Variants in LTB4R2 observed in about 807,000 individuals in gnomAD.
The protein encoded by LTB4R2 is LTB4 receptor JULF2.
Under a neutral mutation model 5.3 loss-of-function variants are expected in LTB4R2, and 6 were observed. The observed-to-expected ratio is 1.14, with a 90% CI of 0.62 to 2.24. The LOEUF is 2.24. Ranked by LOEUF, LTB4R2 falls within the 30% of genes most tolerant of loss-of-function variation. The probability of loss-of-function intolerance (pLI) is 0.00; values close to 1 mark genes in which losing one functional copy is unlikely to be tolerated. For synonymous variants in LTB4R2, 310 were observed against 264.2 expected (o/e 1.17, Z -1.68); for missense variants, 560 against 521.5 (o/e 1.07, Z -0.72).
chr14:24,310,631 G>A (rs2041661520), intron 1 of LTB4R2, 24 bp from the exon 2 acceptor site: 1 of 1,611,704 alleles, frequency 6.2e-7, no homozygotes, highest in Non-Finnish European at 8.5e-7. Context: ...AACGCCCTCT[G>A]TGGCGCCTTC....
rs769064307 is a variant in LTB4R2 at position 24,311,036 on chromosome 14, C to T, written c.372C>T (p.Thr124=). ...GCCTGCAGCGCTGCCTCGCAGTCAC[C>T]CGCCCCTTCCTGGCGCCTCGGCTGC... The part of the protein sequence containing the change: ...LLSLQRCLAV[T]RPFLAPRLRS... Residue 124 remains threonine (T), a synonymous_variant, in exon 2 of 2, where the codon ACC becomes ACT. Transcript: ENST00000533293. 3 of 1,580,106 alleles carry T rather than the reference C, an allele frequency of 1.9e-6. No individual in the cohort carries two copies. The highest frequency in any genetic ancestry group is 2.6e-6 in the Non-Finnish European group (3 of 1,172,478).
In LTB4R2 at chr14:24,311,469, G is replaced by A; in HGVS notation, c.805G>A (p.Ala269Thr). Residue 269 changes from alanine to threonine, a missense_variant, in exon 2 of 2, where the codon GCG becomes ACG. Coordinates refer to ENST00000533293, the MANE Select transcript of LTB4R2 (RefSeq NM_019839.5). The stretch of plus-strand genomic sequence containing the variant: ...GAAGCTGGGCGGAGCCGGCCAGGCG[G>A]CGCGAGCGGGAACTACGGCCTTGGC... ...LAKLGGAGQAARAGTTALAFF... is the reference protein window; with the variant it reads ...LAKLGGAGQATRAGTTALAFF... The A allele has an allele frequency of 6.2e-7, 1 of 1,601,266 alleles. No homozygotes were observed. The highest frequency in any genetic ancestry group is 8.5e-7 in the Non-Finnish European group (1 of 1,179,926).
rs767626246 is a variant in LTB4R2, at chr14:24,311,150, G to A, written c.486G>A (p.Leu162=). 1.2e-6 allele frequency: 2 copies of A among 1,601,392 alleles called. No individual in the cohort carries two copies. Among genetic ancestry groups the A allele is most frequent in the Non-Finnish European group, 1.7e-6 (2 of 1,176,238 alleles). Residue 162 remains leucine (L), a synonymous_variant, in exon 2 of 2, where the codon CTG becomes CTA. Transcript: ENST00000533293. ...TCCCGGCCGCCGTCTACCGCCACCT[G>A]TGGAGGGACCGCGTATGCCAGCTGT... is the stretch of plus-strand genomic sequence containing the variant. ...LAVPAAVYRH[L]WRDRVCQLCH...
At position 24,311,897 on chromosome 14, in the gene LTB4R2, C is replaced by T. The variant is rs756527599; in HGVS notation, c.*156C>T. 1.5e-6 allele frequency: 1 copy of T among 683,522 alleles called. No individual in the cohort carries two copies. Among genetic ancestry groups the T allele is most frequent in the Non-Finnish European group, 2.5e-6 (1 of 407,960 alleles). The allele number at this position is 683,522 out of a possible 1,614,324, so 42.3% of individuals were successfully genotyped here. On this transcript the variant is annotated 3_prime_UTR_variant, in exon 2 of 2. Transcript: ENST00000533293. ...TATACACTTGGGGCAGGCCCAGGCT[C>T]CTCCAAACTGAGGGATTATGAGGGT...
rs1366381638 is a variant in LTB4R2, at chr14:24,311,716, A to C, written c.1052A>C (p.Lys351Thr). The change falls in exon 2 of 2, where the codon AAG becomes ACG. Residue 351 changes from lysine to threonine, a missense_variant. Coordinates refer to ENST00000533293, the MANE Select transcript of LTB4R2 (RefSeq NM_019839.5). ...GNGDPGGGME[K>T]DGPEWDL ...GGAGACCCGGGGGGTGGGATGGAGA[A>C]GGACGGTCCGGAATGGGACCTTTGA... The C allele has an allele frequency of 6.2e-7, 1 of 1,600,454 alleles. No individual in the cohort carries two copies. Among genetic ancestry groups the C allele is most frequent in the Non-Finnish European group, 8.5e-7 (1 of 1,171,860 alleles).
In LTB4R2 at chr14:24,311,371, T is replaced by C. The variant is rs760293924; in HGVS notation, c.707T>C (p.Leu236Pro). The C allele has an allele frequency of 8.7e-6, 14 of 1,604,008 alleles. No individual in the cohort carries two copies. In the East Asian group the frequency reaches 2.7e-4, roughly 31 times the overall value. ...VSAIVLAFGL[L>P]WAPYHAVNLL... ...GCCATCGTGCTTGCCTTCGGCTTGC[T>C]CTGGGCCCCCTACCACGCAGTCAAC... Residue 236 changes from leucine to proline, a missense_variant, in exon 2 of 2, where the codon CTC becomes CCC. By Grantham distance (98) the Leu-to-Pro change is moderately conservative. Coordinates refer to ENST00000533293, the MANE Select transcript of LTB4R2 (RefSeq NM_019839.5).
At chr14:24,310,346 G>T in intron 1 of LTB4R2, 91 bp downstream of exon 1, 1 of 605,018 alleles carries the variant, frequency 1.7e-6, no homozygotes, top group Middle Eastern at 4.4e-4. Context: ...GGAGGGGCCA[G>T]ACTAGAGGAG....
rs932787383 is a variant in LTB4R2, at chr14:24,310,749, C to CT, written c.86dup (p.Ala30GlyfsTer253). The stretch of plus-strand genomic sequence containing the variant: ...GGCCACAGGCACAGCCTTCCTGCTG[C>CT]TGGCGGCGCTGCTGGGGCTGCCTGG... On this transcript the variant is annotated frameshift_variant, in exon 2 of 2. Transcript: ENST00000533293. LOFTEE classifies it low-confidence loss of function (END_TRUNC). The CT allele has an allele frequency of 1.9e-6, 3 of 1,610,742 alleles. No individual in the cohort carries two copies. The highest frequency in any genetic ancestry group is 1.7e-6 in the Non-Finnish European group (2 of 1,179,756).
Position 24,310,197 on chromosome 14 carries a change from C to G in LTB4R2, c.-69C>G, listed in dbSNP as rs755307894. On this transcript the variant is annotated 5_prime_UTR_variant, in exon 1 of 2. Coordinates refer to ENST00000533293, the MANE Select transcript of LTB4R2 (RefSeq NM_019839.5). ...CACAGGACAGGAGTAGGCACCTCGC[C>G]TACTGCTGCTTAACCTTTCAGCTTC... 5.7e-5 allele frequency: 22 copies of G among 388,242 alleles called. No homozygotes were observed. The highest frequency in any genetic ancestry group is 9.5e-5 in the Non-Finnish European group (20 of 211,040). The allele number at this position is 388,242 out of a possible 1,614,324, so 24.0% of individuals were successfully genotyped here.
At position 24,311,212 on chromosome 14, in the gene LTB4R2, G is replaced by T. The variant is rs940046681; in HGVS notation, c.548G>T (p.Ser183Ile). 1.5e-5 allele frequency: 24 copies of T among 1,609,058 alleles called. No individual in the cohort carries two copies. The highest frequency in any genetic ancestry group is 2.0e-5 in the Non-Finnish European group (23 of 1,178,254). Residue 183 changes from serine (S) to isoleucine (I), a missense_variant, in exon 2 of 2, where the codon AGC becomes ATC. Transcript: ENST00000533293. ...CCGGTCCACGCCGCCGCCCACCTGA[G>T]CCTGGAGACTCTGACCGCTTTCGTG... ...PSPVHAAAHL[S>I]LETLTAFVLP...
In LTB4R2 at chr14:24,310,220, T is replaced by G. The variant is rs116074381; in HGVS notation, c.-46T>G. The G allele has an allele frequency of 2.6e-4, 114 of 444,528 alleles. No individual in the cohort carries two copies. The highest frequency in any genetic ancestry group is 2.1e-3 in the African/African-American group (107 of 50,086). The allele number at this position is 444,528 out of a possible 1,614,324, so 27.5% of individuals were successfully genotyped here. A position where few individuals can be genotyped will look rare whatever the true frequency, so the allele number is the denominator to read the frequency against. ...GCCTACTGCTGCTTAACCTTTCAGCTTCTCCAGGCCCCCAATCCTGCTTGC... is the reference window on the plus strand; with the variant it reads ...GCCTACTGCTGCTTAACCTTTCAGCGTCTCCAGGCCCCCAATCCTGCTTGC... On this transcript the variant is annotated 5_prime_UTR_variant, in exon 1 of 2. Coordinates refer to ENST00000533293, the MANE Select transcript of LTB4R2 (RefSeq NM_019839.5).
intron 1 of LTB4R2, 40 bp from the exon 2 acceptor site, chr14:24,310,615 C>T (rs143515649): frequency 7.6e-5 from 122 of 1,594,922 alleles, no homozygotes; most frequent in Admixed American, 1.0e-4. Context: ...TTTTGCCCCA[C>T]CCCTGAACGC....
Position 24,311,308 on chromosome 14 carries a change from C to A in LTB4R2, c.644C>A (p.Ser215Tyr). 6.3e-7 allele frequency: 1 copy of A among 1,593,878 alleles called. No individual in the cohort carries two copies. ...CGGCTGCGGGGCGCCCGCTGGGGCT[C>A]CGGGCGGCACGGGGCGCGGGTGGGC... is the stretch of plus-strand genomic sequence containing the variant. ...LARLRGARWG[S>Y]GRHGARVGRL... is the part of the protein sequence containing the mutation. Residue 215 changes from serine (S) to tyrosine (Y), a missense_variant, in exon 2 of 2, where the codon TCC (serine) becomes TAC (tyrosine). Transcript: ENST00000533293.
chr14:24,310,256 G>T lies in LTB4R2; in HGVS notation c.-11+1G>T, dbSNP rs1447849349. The T allele has an allele frequency of 1.9e-6, 1 of 515,276 alleles. No homozygotes were observed. Among genetic ancestry groups the T allele is most frequent in the Non-Finnish European group, 3.5e-6 (1 of 289,790 alleles). The allele number at this position is 515,276 out of a possible 1,614,324, so 31.9% of individuals were successfully genotyped here. On this transcript the variant is annotated splice_donor_variant, in intron 1 of 1. Transcript: ENST00000533293. LOFTEE classifies it low-confidence loss of function (5UTR_SPLICE). ...CCCAATCCTGCTTGCTCCCAGCTTG[G>T]TAAGTAGATCTGTGCACGTCCCTTT... is the stretch of plus-strand genomic sequence containing the variant.
intron 1 of LTB4R2, 174 bp downstream of exon 1, chr14:24,310,429 C>T (rs1041220675): frequency 1.5e-6 from 1 of 665,620 alleles, no homozygotes; most frequent in African/African-American, 1.8e-5. Flanking sequence ...GGAAGGAGGC[C>T]AGGAGTGGGG....
Position 24,311,424 on chromosome 14 carries a change from C to A in LTB4R2, c.760C>A (p.Pro254Thr), listed in dbSNP as rs745783539. 5 of 1,601,316 alleles carry A rather than the reference C, an allele frequency of 3.1e-6. No individual in the cohort carries two copies. The highest frequency in any genetic ancestry group is 3.3e-5 in the Admixed American group (2 of 59,976). The change falls in exon 2 of 2, where the codon CCA becomes ACA. Residue 254 changes from proline to threonine, a missense_variant. Pro to Thr is a conservative substitution (Grantham distance 38, BLOSUM62 -1). Transcript: ENST00000533293. ...TCTGCAGGCGGTCGCAGCGCTGGCT[C>A]CACCGGAAGGGGCCTTGGCGAAGCT... The part of the protein sequence containing the change: ...NLLQAVAALA[P>T]PEGALAKLGG...
At position 24,311,396 on chromosome 14, in the gene LTB4R2, C is replaced by T. The variant is rs765776758; in HGVS notation, c.732C>T (p.Asn244=). The T allele has an allele frequency of 1.9e-5, 30 of 1,602,406 alleles. No homozygotes were observed. Among genetic ancestry groups the T allele is most frequent in the Middle Eastern group, 1.7e-4 (1 of 6,022 alleles). The change falls in exon 2 of 2, where the codon AAC becomes AAT. Residue 244 remains asparagine (N), a synonymous_variant. Transcript: ENST00000533293. ...GLLWAPYHAV[N]LLQAVAALAP... ...TCTGGGCCCCCTACCACGCAGTCAA[C>T]CTTCTGCAGGCGGTCGCAGCGCTGG...
In LTB4R2 at chr14:24,311,548, T is replaced by A; in HGVS notation, c.884T>A (p.Leu295Gln). 6.2e-7 allele frequency: 1 copy of A among 1,607,352 alleles called. No individual in the cohort carries two copies. The highest frequency in any genetic ancestry group is 2.2e-5 in the East Asian group (1 of 44,860). The change falls in exon 2 of 2, where the codon CTG becomes CAG. Residue 295 changes from leucine (L) to glutamine (Q), a missense_variant. By Grantham distance (113) the Leu-to-Gln change is moderately radical. Coordinates refer to ENST00000533293, the MANE Select transcript of LTB4R2 (RefSeq NM_019839.5). Reference protein sequence around the residue: ...PVLYVFTAGDLLPRAGPRFLT... With the variant: ...PVLYVFTAGDQLPRAGPRFLT... ...CTCTACGTCTTCACCGCTGGAGATC[T>A]GCTGCCCCGGGCAGGTCCCCGTTTC...
rs1280125597 is a variant in LTB4R2, at chr14:24,310,687, C to T, written c.23C>T (p.Pro8Leu). 6.2e-7 allele frequency: 1 copy of T among 1,613,962 alleles called. No homozygotes were observed. Among genetic ancestry groups the T allele is most frequent in the South Asian group, 1.1e-5 (1 of 91,092 alleles). The change falls in exon 2 of 2, where the codon CCA (proline) becomes CTA (leucine). Residue 8 changes from proline (P) to leucine (L), a missense_variant. Coordinates refer to ENST00000533293, the MANE Select transcript of LTB4R2 (RefSeq NM_019839.5). ...AGGATGTCGGTCTGCTACCGTCCCC[C>T]AGGGAACGAGACACTGCTGAGCTGG... Reference protein sequence around the residue: MSVCYRPPGNETLLSWKT... With the variant: MSVCYRPLGNETLLSWKT...
Sources: gnomAD v4.1 joint callset for allele counts on GRCh38, gnomAD v4.1.1 for gene constraint, MANE v1.5 for transcripts, NCBI Gene and HGNC (gene_info 2026-07-23, HGNC 2026-07-21) for gene names.